Variants in DGKH observed in about 807,000 individuals in gnomAD.
The protein encoded by DGKH is DAG kinase eta.
A neutral mutation model predicts 159.3 loss-of-function variants in DGKH; 90 were observed. The observed-to-expected ratio is 0.57, with a 90% CI of 0.48 to 0.67. The LOEUF is 0.67. Among genes scored for constraint, DGKH ranks in the 30% least tolerant of loss-of-function variants. The probability of loss-of-function intolerance (pLI) is 0.00; values close to 1 mark genes in which losing one functional copy is unlikely to be tolerated. For missense variants in DGKH, 1,181 were observed against 1,506.1 expected, an observed-to-expected ratio of 0.78 and a Z score of 3.57; for synonymous variants, 536 against 553.8, an observed-to-expected ratio of 0.97 and a Z score of 0.45.
intron 3 of DGKH, among the ~76,000 whole-genome samples, chr13:42,148,465 T>C (rs962296463): frequency 6.6e-6 from 1 of 152,200 alleles, no homozygotes; most frequent in African/African-American, 2.4e-5. Context: ...GAAATCTTCA[T>C]GGAGTGCTCC....
rs941173780 is a variant in DGKH, at chr13:42,242,365, C to A, written c.*13177C>A. On this transcript the variant is annotated 3_prime_UTR_variant, in exon 30 of 30. Coordinates refer to ENST00000337343, the MANE Select transcript of DGKH (RefSeq NM_178009.5). ...TGTGTCTGAAAGATGCAGATAATAT[C>A]TATCTATTTATTACACAGTGGGCTC... 1 of 152,182 alleles carries A rather than the reference C, an allele frequency of 6.6e-6. No individual in the cohort carries two copies. Among genetic ancestry groups the A allele is most frequent in the African/African-American group, 2.4e-5 (1 of 41,450 alleles). The allele number at this position is 152,182 out of a possible 1,614,324, so 9.4% of individuals were successfully genotyped here.
chr13:42,086,214 A>G (rs374917051), intron 1 of DGKH, among the ~76,000 whole-genome samples: 3 of 152,278 alleles, frequency 2.0e-5, no homozygotes, highest in Non-Finnish European at 1.5e-5. Flanking sequence ...CCCCATGCCC[A>G]GCAAACCTTA....
rs372265332 is a variant in DGKH, at chr13:42,107,740, G to A, written c.193-19723G>A. Among the ~76,000 whole-genome samples the A allele has an allele frequency of 3.9e-5, 6 of 152,106 alleles. No homozygotes were observed. In the South Asian group the frequency reaches 6.2e-4, roughly 16 times the overall value. On this transcript the variant is annotated intron_variant, in intron 1 of 29. Coordinates refer to ENST00000337343, the MANE Select transcript of DGKH (RefSeq NM_178009.5). ...GGAACAAGAACTGCAAGGACAGATC[G>A]TAGACAGGCAAGCAGGAGGGCTCGG...
At position 42,155,376 on chromosome 13, in the gene DGKH, A is replaced by C; in HGVS notation, c.470A>C (p.Gln157Pro). The change falls in exon 4 of 30, where the codon CAG becomes CCG. Residue 157 changes from glutamine (Q) to proline (P), a missense_variant. Transcript: ENST00000337343. ...TGGATCAGCTCACTGAAGTCTGTAC[A>C]GACCAGAGAACCCTACGAGGTAAAA... ...EDWISSLKSV[Q>P]TREPYEVAQF... 6.2e-7 allele frequency: 1 copy of C among 1,609,846 alleles called. No individual in the cohort carries two copies. The highest frequency in any genetic ancestry group is 8.5e-7 in the Non-Finnish European group (1 of 1,179,070).
At chr13:42,044,951 G>C (rs1400174167), upstream of DGKH, among the ~76,000 whole-genome samples, 1 of 152,148 alleles carries the variant, frequency 6.6e-6, no homozygotes, top group Non-Finnish European at 1.5e-5. Context: ...CAAAAATGTG[G>C]AAGTATTTAC....
At chr13:42,191,230 A>G (rs918164301) in intron 16 of DGKH, among the ~76,000 whole-genome samples, 14 of 152,224 alleles carry the variant, frequency 9.2e-5, no homozygotes, top group African/African-American at 3.1e-4. Context: ...AAATTAAACT[A>G]TTAATGAAGA....
Position 42,181,753 on chromosome 13 carries a change from G to A in DGKH, c.1538+3533G>A. ...ACGCCAGCTGCAGTGGTTGCCATCT[G>A]GACCATCAGACCTGGCTGCCAGGAT... On this transcript the variant is annotated intron_variant, in intron 13 of 29. Transcript: ENST00000337343. The A allele has an allele frequency of 5.2e-6, 4 of 771,618 alleles. No homozygotes were observed. The South Asian group carries it at 6.0e-5, about 12-fold the overall frequency. The allele number at this position is 771,618 out of a possible 1,614,324, so 47.8% of individuals were successfully genotyped here.
chr13:42,066,825 T>C (rs1882612928), intron 1 of DGKH: 1 of 152,210 alleles, frequency 6.6e-6, no homozygotes, highest in Non-Finnish European at 1.5e-5. Context: ...TAAAATGTTA[T>C]GATGTGCATT....
At chr13:42,201,733 T>TA (rs1957350702) in intron 20 of DGKH, among the ~76,000 whole-genome samples, 1 of 152,160 alleles carries the variant, frequency 6.6e-6, no homozygotes, top group Non-Finnish European at 1.5e-5. Flanking sequence ...GACTTACCAA[T>TA]AAGATTAAAA....
intron 13 of DGKH, among the ~76,000 whole-genome samples, chr13:42,180,837 A>C (rs1308306277): frequency 6.6e-6 from 1 of 152,166 alleles, no homozygotes; most frequent in Non-Finnish European, 1.5e-5. Context: ...GTTAAATTTT[A>C]TTTCTTCTTC....
intron 17 of DGKH, chr13:42,195,708 C>G (rs1404454904): frequency 3.3e-5 from 5 of 152,168 alleles, no homozygotes; most frequent in Non-Finnish European, 7.3e-5. Flanking sequence ...CCATGAGTCT[C>G]TCTGTAGTCA....
intron 11 of DGKH, among the ~76,000 whole-genome samples, chr13:42,169,393 T>C (rs115384999): frequency 7.0e-4 from 106 of 152,314 alleles, no homozygotes; most frequent in African/African-American, 2.6e-3. Flanking sequence ...CTGTTCTTGA[T>C]CACATCTCTT....
At chr13:42,118,792 T>A (rs1257535952) in intron 1 of DGKH, among the ~76,000 whole-genome samples, 1 of 152,184 alleles carries the variant, frequency 6.6e-6, no homozygotes, top group Non-Finnish European at 1.5e-5. Context: ...GAGCTTGGAC[T>A]TTATGTAGCA....
chr13:42,113,846 A>G (rs150881385), intron 1 of DGKH, among the ~76,000 whole-genome samples: 1 of 152,304 alleles, frequency 6.6e-6, no homozygotes, highest in East Asian at 1.9e-4. Flanking sequence ...AAGCAATGTT[A>G]TGATAGGAGA....
In DGKH at chr13:42,084,737, G is replaced by A. The variant is rs1381634276; in HGVS notation, c.192+35772G>A. ...TTTTTTCCAGGCTAGTAGTATAAAC[G>A]TGCTACTAGTTTATATACCCTTAAT... On this transcript the variant is annotated intron_variant, in intron 1 of 29. Transcript: ENST00000337343. Among the ~76,000 whole-genome samples, 3 of 150,758 alleles carry A rather than the reference G, an allele frequency of 2.0e-5. No individual in the cohort carries two copies. The East Asian group carries it at 5.8e-4, about 29-fold the overall frequency.
intron 1 of DGKH, among the ~76,000 whole-genome samples, chr13:42,043,363 G>GT (rs1029432838): frequency 1.4e-4 from 21 of 151,670 alleles, no homozygotes; most frequent in East Asian, 5.8e-4. Flanking sequence ...TTTTTGTTTT[G>GT]TTTTTTTTGA....
intron 1 of DGKH, chr13:42,069,774 A>G: frequency 9.1e-7 from 1 of 1,102,436 alleles, no homozygotes; most frequent in Non-Finnish European, 1.3e-6. Flanking sequence ...AAGTATGGCT[A>G]CACTCCAGAT....
chr13:42,087,398 A>C (rs983711815), intron 1 of DGKH, among the ~76,000 whole-genome samples: 24 of 152,236 alleles, frequency 1.6e-4, no homozygotes, highest in Admixed American at 1.4e-3. Flanking sequence ...TATTCATTAG[A>C]GCATCATCAC....
At chr13:42,067,042 A>C (rs1357878398) in intron 1 of DGKH, among the ~76,000 whole-genome samples, 1 of 152,142 alleles carries the variant, frequency 6.6e-6, no homozygotes, top group Non-Finnish European at 1.5e-5. Flanking sequence ...CATATTCTTT[A>C]AACAGAAGCA....
Sources: gnomAD v4.1 joint callset for allele counts (sites outside exome capture counted in the v4.1 genomes callset) on GRCh38, gnomAD v4.1.1 for gene constraint, MANE v1.5 for transcripts, NCBI Gene and HGNC (gene_info 2026-07-23, HGNC 2026-07-21) for gene names.